Variants in TTC29 observed in about 807,000 individuals in gnomAD.
TTC29 encodes the protein tetratricopeptide repeat protein 29.
A neutral mutation model predicts 58.1 loss-of-function variants in TTC29; 49 were observed. The observed-to-expected ratio is 0.84, with a 90% confidence interval of 0.67 to 1.07. The LOEUF is 1.07. TTC29 is among the 50% of genes least tolerant of loss of function. TTC29 has a pLI of 0.00. For missense variants in TTC29, 582 were observed against 555.6 expected, an observed-to-expected ratio of 1.05 and a Z score of -0.48; for synonymous variants, 209 against 196.8, an observed-to-expected ratio of 1.06 and a Z score of -0.52.
At chr4:146,799,037 T>G (rs1439891553) in intron 11 of TTC29, among the ~76,000 whole-genome samples, 1 of 151,744 alleles carries the variant, frequency 6.6e-6, no homozygotes. Flanking sequence ...CAAAATGAAA[T>G]CTTTTGCTGA....
intron 11 of TTC29, among the ~76,000 whole-genome samples, chr4:146,748,881 C>G (rs1398670419): frequency 6.6e-6 from 1 of 152,168 alleles, no homozygotes; most frequent in Non-Finnish European, 1.5e-5. Flanking sequence ...TCTCTAGTAA[C>G]TGACCCCCCC....
intron 11 of TTC29, 127 bp downstream of exon 11, chr4:146,803,330 G>T (rs1750363609): frequency 1.5e-6 from 1 of 682,838 alleles, no homozygotes; most frequent in Non-Finnish European, 2.4e-6. Flanking sequence ...TGTAGTAATG[G>T]ATCCATAAAA....
intron 8 of TTC29, among the ~76,000 whole-genome samples, chr4:146,843,789 T>A (rs1728997202): frequency 6.6e-6 from 1 of 152,190 alleles, no homozygotes; most frequent in Non-Finnish European, 1.5e-5. Context: ...CCTGATCAAT[T>A]TACTTTATCT....
chr4:146,944,525 A>G (rs1315229341), intron 2 of TTC29, among the ~76,000 whole-genome samples: 1 of 152,154 alleles, frequency 6.6e-6, no homozygotes, highest in Non-Finnish European at 1.5e-5. Flanking sequence ...AACACAAAGG[A>G]GGGAGACCTA....
intron 7 of TTC29, among the ~76,000 whole-genome samples, chr4:146,873,697 C>T (rs1184597533): frequency 6.6e-6 from 1 of 152,112 alleles, no homozygotes; most frequent in Non-Finnish European, 1.5e-5. Context: ...TATTCAAAAG[C>T]AGTTCATTTA....
At chr4:146,889,635 G>C (rs1732219803) in intron 6 of TTC29, among the ~76,000 whole-genome samples, 1 of 152,112 alleles carries the variant, frequency 6.6e-6, no homozygotes, top group South Asian at 2.1e-4. Flanking sequence ...TAGTTATTAA[G>C]GCTGTTTTTC....
intron 8 of TTC29, among the ~76,000 whole-genome samples, chr4:146,857,602 A>C (rs1158178845): frequency 6.6e-6 from 1 of 152,128 alleles, no homozygotes; most frequent in Non-Finnish European, 1.5e-5. Flanking sequence ...TGCATGTTAT[A>C]TATTATGATA....
intron 11 of TTC29, among the ~76,000 whole-genome samples, chr4:146,709,271 T>G (rs1561048219): frequency 6.6e-6 from 1 of 152,100 alleles, no homozygotes; most frequent in East Asian, 1.9e-4. Context: ...ATGAGCCCCC[T>G]CTAGCTCATT....
At chr4:146,840,168 C>CTTT (rs369143176) in intron 8 of TTC29, among the ~76,000 whole-genome samples, 14 of 137,770 alleles carry the variant, frequency 1.0e-4, no homozygotes, top group African/African-American at 3.7e-4. Context: ...TGGTTTTTAT[C>CTTT]TTTTTTTTTT....
intron 6 of TTC29, among the ~76,000 whole-genome samples, chr4:146,897,385 T>C (rs1034667930): frequency 2.0e-4 from 30 of 152,242 alleles, no homozygotes; most frequent in Middle Eastern, 3.4e-3. Flanking sequence ...TTGCAAAGGC[T>C]TGTCAGGGGG....
intron 6 of TTC29, among the ~76,000 whole-genome samples, chr4:146,897,776 T>C (rs905326768): frequency 6.6e-6 from 1 of 152,214 alleles, no homozygotes; most frequent in Admixed American, 6.5e-5. Flanking sequence ...CTTGCTAGCA[T>C]GGCAATTGTT....
intron 9 of TTC29, among the ~76,000 whole-genome samples, chr4:146,823,195 T>G (rs1019580328): frequency 6.6e-6 from 1 of 152,228 alleles, no homozygotes; most frequent in Admixed American, 6.5e-5. Context: ...ATGTCCTGAA[T>G]GGTATTGTCT....
intron 10 of TTC29, among the ~76,000 whole-genome samples, chr4:146,819,894 C>T (rs986122262): frequency 6.6e-6 from 1 of 152,100 alleles, no homozygotes; most frequent in African/African-American, 2.4e-5. Flanking sequence ...GGGTTAGCAG[C>T]TCATAAGGAC....
intron 11 of TTC29, among the ~76,000 whole-genome samples, chr4:146,709,207 A>G (rs954478539): frequency 6.6e-6 from 1 of 152,120 alleles, no homozygotes; most frequent in African/African-American, 2.4e-5. Context: ...CCTTTACATT[A>G]CCACAGCCAT....
At chr4:146,848,362 T>C (rs534137879) in intron 8 of TTC29, among the ~76,000 whole-genome samples, 129 of 152,324 alleles carry the variant, frequency 8.5e-4, no homozygotes, top group African/African-American at 3.1e-3. Context: ...CAGTTTACTG[T>C]GTAATATTAT....
At chr4:146,882,255 C>A (rs2150234225) in intron 6 of TTC29, among the ~76,000 whole-genome samples, 1 of 152,174 alleles carries the variant, frequency 6.6e-6, no homozygotes, top group Non-Finnish European at 1.5e-5. Context: ...GGCCAATAAA[C>A]CTCCCACAGT....
At chr4:146,931,851 C>A (rs904320309) in intron 4 of TTC29, among the ~76,000 whole-genome samples, 1 of 151,992 alleles carries the variant, frequency 6.6e-6, no homozygotes, top group African/African-American at 2.4e-5. Context: ...AATTTGAGAC[C>A]ATTTTTTTGT....
intron 5 of TTC29, among the ~76,000 whole-genome samples, chr4:146,905,445 GAGTT>G (rs1733460027): frequency 6.7e-6 from 1 of 150,144 alleles, no homozygotes. Flanking sequence ...TTTTAGGAAT[GAGTT>G]AGATAAGCTA....
chr4:146,940,574 T>G (rs1736287415), intron 2 of TTC29, among the ~76,000 whole-genome samples: 1 of 152,240 alleles, frequency 6.6e-6, no homozygotes, highest in Non-Finnish European at 1.5e-5. Flanking sequence ...TGGGAGCCTC[T>G]GCTGAGAAAA....
Sources: gnomAD v4.1 joint callset for allele counts (sites outside exome capture counted in the v4.1 genomes callset) on GRCh38, gnomAD v4.1.1 for gene constraint, MANE v1.5 for transcripts, NCBI Gene and HGNC (gene_info 2026-07-23, HGNC 2026-07-21) for gene names.